RAB5B: variants seen among roughly 807,000 people sequenced by gnomAD.
The protein encoded by RAB5B is RAB5B, member RAS oncogene family.
In RAB5B, 11 loss-of-function variants were observed where a neutral mutation model predicts 28.6. The observed-to-expected ratio is 0.38, with a 90% CI of 0.24 to 0.64. RAB5B has a LOEUF of 0.64. Ranked by LOEUF, RAB5B falls within the 30% of genes least tolerant of loss-of-function variation. RAB5B has a pLI of 0.53. For missense variants in RAB5B, 169 were observed against 265.6 expected (o/e 0.64, Z 2.53); for synonymous variants, 93 against 97.9 (o/e 0.95, Z 0.29).
intron 1 of RAB5B, among the ~76,000 whole-genome samples, chr12:55,985,923 G>A (rs181520163): frequency 1.3e-5 from 2 of 152,314 alleles, no homozygotes; most frequent in East Asian, 3.9e-4. Flanking sequence ...ACAAAGAGTT[G>A]ATAATGAATG....
chr12:55,981,147 T>C lies in RAB5B; in HGVS notation c.-92-5722T>C, dbSNP rs981297533. On this transcript the variant is annotated intron_variant, in intron 1 of 5. Coordinates refer to ENST00000360299, the MANE Select transcript of RAB5B (RefSeq NM_002868.4). Reference sequence around the variant, plus strand: ...CGTGTGATCTCGGCTCACTGCTACCTCTGCCTCCCAGGTTCAAGCAATTCT... The same window carrying C: ...CGTGTGATCTCGGCTCACTGCTACCCCTGCCTCCCAGGTTCAAGCAATTCT... 12 of 878,586 alleles carry C rather than the reference T, an allele frequency of 1.4e-5. No homozygotes were observed. The Admixed American group carries it at 1.8e-4, about 13-fold the overall frequency. The allele number at this position is 878,586 out of a possible 1,614,324, so 54.4% of individuals were successfully genotyped here.
intron 1 of RAB5B, among the ~76,000 whole-genome samples, chr12:55,978,090 G>A (rs540955112): frequency 1.1e-4 from 17 of 152,358 alleles, no homozygotes; most frequent in African/African-American, 3.6e-4. Flanking sequence ...AGGAAAAGCA[G>A]TTAGCCCATG....
At position 55,991,405 on chromosome 12, in the gene RAB5B, A is replaced by ACTTCAG; in HGVS notation, c.486_491dup (p.Ser163_Ala164dup). ...TGACAACAGCTTATTGTTCATGGAG[A>ACTTCAG]CTTCAGCCAAGACAGCTATGAACGT... On this transcript the variant is annotated inframe_insertion, in exon 5 of 6. Transcript: ENST00000360299. The ACTTCAG allele has an allele frequency of 6.2e-7, 1 of 1,613,994 alleles. No individual in the cohort carries two copies. Among genetic ancestry groups the ACTTCAG allele is most frequent in the Non-Finnish European group, 8.5e-7 (1 of 1,179,960 alleles).
intron 1 of RAB5B, chr12:55,979,472 A>C (rs140004739): frequency 1.3e-5 from 2 of 152,270 alleles, no homozygotes; most frequent in East Asian, 3.9e-4. Context: ...GAGGGAGATG[A>C]AGGTATTTAC....
At chr12:55,984,602 G>A (rs1285603637) in intron 1 of RAB5B, among the ~76,000 whole-genome samples, 3 of 151,776 alleles carry the variant, frequency 2.0e-5, no homozygotes, top group Admixed American at 6.6e-5. Flanking sequence ...TCAGCCTCTG[G>A]AGTAGCTGGG....
intron 1 of RAB5B, among the ~76,000 whole-genome samples, chr12:55,978,646 G>T (rs1023043404): frequency 6.6e-6 from 1 of 152,156 alleles, no homozygotes; most frequent in African/African-American, 2.4e-5. Context: ...TAGGGATCAG[G>T]CAGCATGCTG....
At position 55,990,699 on chromosome 12, in the gene RAB5B, A is replaced by G. The variant is rs763212967; in HGVS notation, c.333A>G (p.Ala111=). ...DITNQETFAR[A]KTWVKELQRQ... ...TTTCCTAGGAAACCTTTGCCCGAGC[A>G]AAGACATGGGTGAAGGAACTACAGC... Residue 111 remains alanine, a synonymous_variant, in exon 4 of 6, where the codon GCA becomes GCG. Coordinates refer to ENST00000360299, the MANE Select transcript of RAB5B (RefSeq NM_002868.4). The G allele has an allele frequency of 1.9e-6, 3 of 1,613,918 alleles. No homozygotes were observed. The Admixed American group carries it at 5.0e-5, about 27-fold the overall frequency.
chr12:55,994,767 T>A lies in RAB5B; in HGVS notation c.*2555T>A, dbSNP rs1435862064. On this transcript the variant is annotated 3_prime_UTR_variant, in exon 6 of 6. Coordinates refer to ENST00000360299, the MANE Select transcript of RAB5B (RefSeq NM_002868.4). ...TATTATTATTATTATTTTTGCTATT[T>A]GTCAGGTACTAGGAATTTGGAAGAA... is the stretch of plus-strand genomic sequence containing the variant. 6.6e-6 allele frequency: 1 copy of A among 152,388 alleles called. No homozygotes were observed. Among genetic ancestry groups the A allele is most frequent in the East Asian group, 1.9e-4 (1 of 5,200 alleles). The allele number at this position is 152,388 out of a possible 1,614,324, so 9.4% of individuals were successfully genotyped here.
At chr12:55,988,427 AC>A (rs1565788717) in intron 2 of RAB5B, among the ~76,000 whole-genome samples, 1 of 152,206 alleles carries the variant, frequency 6.6e-6, no homozygotes, top group Non-Finnish European at 1.5e-5. Context: ...CCCCACTACT[AC>A]CCCAAAATAG....
intron 1 of RAB5B, among the ~76,000 whole-genome samples, chr12:55,978,315 C>G (rs1187560791): frequency 6.6e-6 from 1 of 151,972 alleles, no homozygotes; most frequent in Non-Finnish European, 1.5e-5. Flanking sequence ...CTGGCTAACA[C>G]GGTGAAACCC....
chr12:55,976,071 A>G (rs1295526914), intron 1 of RAB5B, among the ~76,000 whole-genome samples: 1 of 152,148 alleles, frequency 6.6e-6, no homozygotes, highest in Non-Finnish European at 1.5e-5. Flanking sequence ...TCTTAATTAC[A>G]AAAGTTAATA....
intron 2 of RAB5B, among the ~76,000 whole-genome samples, 158 bp from the exon 3 acceptor site, chr12:55,989,789 A>C (rs1890054494): frequency 6.6e-6 from 1 of 152,270 alleles, no homozygotes; most frequent in Admixed American, 6.5e-5. Context: ...TGGTTTCAAG[A>C]CTTACATGTA....
At chr12:55,985,682 G>A (rs1302111033) in intron 1 of RAB5B, 7 of 455,750 alleles carry the variant, frequency 1.5e-5, no homozygotes, top group South Asian at 4.6e-5. Flanking sequence ...CAGACTTAAC[G>A]CCCTATACCA....
chr12:55,977,434 T>G (rs1327963116), intron 1 of RAB5B, among the ~76,000 whole-genome samples: 5 of 152,180 alleles, frequency 3.3e-5, no homozygotes, highest in Admixed American at 1.3e-4. Context: ...CCCATTGCCC[T>G]TCAAGTCATA....
At chr12:55,977,889 T>G (rs78062104) in intron 1 of RAB5B, among the ~76,000 whole-genome samples, 2,365 of 152,322 alleles carry the variant, frequency 0.016, 47 homozygotes, top group Admixed American at 0.029. Context: ...TTCTGTGGTG[T>G]TATGGCTCCT....
chr12:55,986,834 G>C, intron 1 of RAB5B, 35 bp from the exon 2 acceptor site: 1 of 731,492 alleles, frequency 1.4e-6, no homozygotes, highest in Non-Finnish European at 2.4e-6. Context: ...TTCAATGGAC[G>C]TATGTTTAAT....
At chr12:55,990,142 G>T (rs748969266) in intron 3 of RAB5B, 44 bp downstream of exon 3, 1 of 1,570,490 alleles carries the variant, frequency 6.4e-7, no homozygotes, top group South Asian at 1.2e-5. Context: ...GGACATGGTG[G>T]CTTACGCCTA....
chr12:55,989,345 G>C (rs546630564), intron 2 of RAB5B, among the ~76,000 whole-genome samples: 1 of 152,238 alleles, frequency 6.6e-6, no homozygotes, highest in South Asian at 2.1e-4. Context: ...CGCCATCTTG[G>C]CTCACTGCAA....
intron 1 of RAB5B, among the ~76,000 whole-genome samples, chr12:55,975,758 C>T (rs895309346): frequency 2.0e-5 from 3 of 150,766 alleles, no homozygotes; most frequent in South Asian, 2.1e-4. Context: ...TCCTTTTCTG[C>T]GTCTCTACCA....
Sources: allele counts gnomAD v4.1 joint callset (sites outside exome capture counted in the v4.1 genomes callset), GRCh38; gene constraint gnomAD v4.1.1; transcripts MANE v1.5; gene names NCBI Gene and HGNC (gene_info 2026-07-23, HGNC 2026-07-21).